KLHL32: variants seen among roughly 807,000 people sequenced by gnomAD.
KLHL32 encodes kelch like family member 32, also known as kelch-like protein 32.
A neutral mutation model predicts 64.8 loss-of-function variants in KLHL32; 35 were observed. The ratio of observed to expected loss-of-function variants is 0.54; its 90% CI spans 0.41 to 0.72. KLHL32 has a LOEUF of 0.72. KLHL32 is among the 30% of genes least tolerant of loss of function. The pLI, the probability that KLHL32 is intolerant of heterozygous loss-of-function variation, is 0.00. For missense variants in KLHL32, 589 were observed against 768.5 expected (o/e 0.77, Z 2.76); for synonymous variants, 259 against 281.0 (o/e 0.92, Z 0.78).
At chr6:97,057,974 C>T (rs1294594971) in intron 4 of KLHL32, among the ~76,000 whole-genome samples, 2 of 152,160 alleles carry the variant, frequency 1.3e-5, no homozygotes, top group Non-Finnish European at 2.9e-5. Flanking sequence ...TCCAATTAAT[C>T]TAGCCCCATT....
chr6:97,083,959 C>T (rs1198879270), intron 5 of KLHL32, among the ~76,000 whole-genome samples: 1 of 151,720 alleles, frequency 6.6e-6, no homozygotes, highest in Admixed American at 6.5e-5. Flanking sequence ...TCACAAAGCC[C>T]ATCTGCCCCA....
chr6:97,090,877 C>T (rs1012129831), intron 6 of KLHL32, among the ~76,000 whole-genome samples: 1 of 152,210 alleles, frequency 6.6e-6, no homozygotes, highest in African/African-American at 2.4e-5. Context: ...AATACTCAGG[C>T]GATGGGCACA....
At chr6:97,034,145 G>A (rs948342557) in intron 3 of KLHL32, among the ~76,000 whole-genome samples, 3 of 151,566 alleles carry the variant, frequency 2.0e-5, no homozygotes, top group Non-Finnish European at 3.0e-5. Context: ...CTTCTGTATT[G>A]TTTCAAGTCT....
chr6:97,018,876 TTCTC>T (rs1447509360), intron 3 of KLHL32, among the ~76,000 whole-genome samples: 1 of 152,218 alleles, frequency 6.6e-6, no homozygotes, highest in African/African-American at 2.4e-5. Flanking sequence ...AATTAACAAA[TTCTC>T]AATCAGTTGG....
chr6:97,057,172 C>CTTTTTTTTTTTTTT (rs199552121), intron 4 of KLHL32, among the ~76,000 whole-genome samples: 2 of 64,998 alleles, frequency 3.1e-5, no homozygotes, highest in African/African-American at 1.8e-4. Flanking sequence ...ATGTGAGTAT[C>CTTTTTTTTTTTTTT]TTTTTTTTTT....
chr6:96,967,158 G>C, intron 2 of KLHL32, 75 bp downstream of exon 2: 2 of 1,359,222 alleles, frequency 1.5e-6, no homozygotes, highest in South Asian at 2.4e-5. Context: ...CTAGGATCAA[G>C]CACAAAGCAG....
At position 97,140,121 on chromosome 6, in the gene KLHL32, CAT is replaced by C. The variant is rs1477568292; in HGVS notation, c.*840_*841del. On this transcript the variant is annotated 3_prime_UTR_variant, in exon 11 of 11. Coordinates refer to ENST00000369261, the MANE Select transcript of KLHL32 (RefSeq NM_052904.4). Reference sequence around the variant, plus strand: ...AAAATTACTAGATAGAATTTGGAAACATGTTGTGGAATAAATGATTCTAAAAA... The same window carrying C: ...AAAATTACTAGATAGAATTTGGAAACGTTGTGGAATAAATGATTCTAAAAA... 6.6e-6 allele frequency: 1 copy of C among 151,916 alleles called. No individual in the cohort carries two copies. The highest frequency in any genetic ancestry group is 6.6e-5 in the Admixed American group (1 of 15,248). The allele number at this position is 151,916 out of a possible 1,614,324, so 9.4% of individuals were successfully genotyped here. A position where few individuals can be genotyped will look rare whatever the true frequency, so the allele number is the denominator to read the frequency against.
chr6:97,084,687 A>G (rs1057097913), intron 5 of KLHL32, among the ~76,000 whole-genome samples: 1 of 152,220 alleles, frequency 6.6e-6, no homozygotes, highest in Admixed American at 6.5e-5. Flanking sequence ...GAGCGGAGTC[A>G]GTCTGTCTTC....
At chr6:97,053,932 C>A (rs961649565) in intron 4 of KLHL32, among the ~76,000 whole-genome samples, 1 of 152,038 alleles carries the variant, frequency 6.6e-6, no homozygotes, top group African/African-American at 2.4e-5. Context: ...GACTACAAAA[C>A]ATCTTATTTT....
At chr6:96,993,758 G>A (rs998098664) in intron 3 of KLHL32, among the ~76,000 whole-genome samples, 1 of 152,096 alleles carries the variant, frequency 6.6e-6, no homozygotes, top group Non-Finnish European at 1.5e-5. Flanking sequence ...CCTCATAATG[G>A]CAGTAGTAAT....
the KLHL32 span, among the ~76,000 whole-genome samples, chr6:96,912,410 C>A: frequency 8.7e-4 from 133 of 152,286 alleles, no homozygotes; most frequent in African/African-American, 3.0e-3. Context: ...CCCCTTGCAT[C>A]TTTAGTCAAT....
At chr6:97,070,843 A>G (rs1490422130) in intron 5 of KLHL32, among the ~76,000 whole-genome samples, 3 of 152,200 alleles carry the variant, frequency 2.0e-5, no homozygotes, top group African/African-American at 7.2e-5. Flanking sequence ...ACTGAGTTCC[A>G]TTATTAATAC....
At chr6:97,076,415 C>T (rs1791598706) in intron 5 of KLHL32, among the ~76,000 whole-genome samples, 1 of 152,122 alleles carries the variant, frequency 6.6e-6, no homozygotes, top group African/African-American at 2.4e-5. Flanking sequence ...TTTTGAGAAT[C>T]CTTATCACAG....
At chr6:97,022,775 C>T (rs993410790) in intron 3 of KLHL32, among the ~76,000 whole-genome samples, 2 of 152,072 alleles carry the variant, frequency 1.3e-5, no homozygotes, top group Middle Eastern at 3.2e-3. Context: ...CAGCCCTGAT[C>T]ACCTAATTTT....
chr6:96,992,796 G>A (rs544987943), intron 3 of KLHL32, among the ~76,000 whole-genome samples: 13 of 152,170 alleles, frequency 8.5e-5, no homozygotes, highest in Non-Finnish European at 1.0e-4. Context: ...CATTTTGCAG[G>A]TGTGGGAACT....
At chr6:97,097,234 C>T (rs186657992) in intron 6 of KLHL32, among the ~76,000 whole-genome samples, 30 of 152,242 alleles carry the variant, frequency 2.0e-4, no homozygotes, top group Non-Finnish European at 3.5e-4. Flanking sequence ...AGGCCTGGTG[C>T]GGTTTCATCA....
the KLHL32 span, among the ~76,000 whole-genome samples, chr6:96,917,464 C>G: frequency 6.6e-6 from 1 of 152,108 alleles, no homozygotes; most frequent in Non-Finnish European, 1.5e-5. Context: ...AGGTCCATGC[C>G]CCAATCTGTT....
At chr6:96,966,969 A>G in intron 1 of KLHL32, 27 bp from the exon 2 acceptor site, 1 of 1,173,074 alleles carries the variant, frequency 8.5e-7, no homozygotes, top group South Asian at 1.3e-5. Context: ...AGCTCAATGC[A>G]CCCTTTTCTC....
At chr6:97,042,815 G>A (rs1216221651) in intron 4 of KLHL32, among the ~76,000 whole-genome samples, 1 of 152,170 alleles carries the variant, frequency 6.6e-6, no homozygotes, top group Non-Finnish European at 1.5e-5. Flanking sequence ...CAGTTTGGAT[G>A]TTTGTCCTCT....
Sources: gnomAD v4.1 joint callset for allele counts (sites outside exome capture counted in the v4.1 genomes callset) on GRCh38, gnomAD v4.1.1 for gene constraint, MANE v1.5 for transcripts, NCBI Gene and HGNC (gene_info 2026-07-23, HGNC 2026-07-21) for gene names.